The following CDKN2C variants were observed in gnomAD, a reference collection of about 807,000 sequenced individuals.
The protein encoded by CDKN2C is cyclin dependent kinase inhibitor 2C, also known as cyclin-dependent kinase 4 inhibitor C.
In CDKN2C, 5 loss-of-function variants were observed where a neutral mutation model predicts 11.0. The ratio of observed to expected loss-of-function variants is 0.45; its 90% confidence interval spans 0.24 to 0.95. The LOEUF (loss-of-function observed/expected upper bound fraction) is 0.95. Ranked by LOEUF, CDKN2C falls within the 40% of genes least tolerant of loss-of-function variation. CDKN2C has a pLI of 0.21. For missense variants in CDKN2C, 161 were observed against 211.9 expected (o/e 0.76, Z 1.49); for synonymous variants, 79 against 88.3 (o/e 0.89, Z 0.59).
upstream of CDKN2C, among the ~76,000 whole-genome samples, chr1:50,967,732 G>T (rs535171400): frequency 1.8e-4 from 27 of 152,274 alleles, no homozygotes; most frequent in Middle Eastern, 6.8e-3. Context: ...ACTGGAAATT[G>T]GTGTCGGATG....
chr1:50,964,844 A>G (rs1187091186), intron 1 of CDKN2C, among the ~76,000 whole-genome samples: 2 of 152,084 alleles, frequency 1.3e-5, no homozygotes, highest in Non-Finnish European at 1.5e-5. Flanking sequence ...TCATGAGGTC[A>G]GGAGTTCGAG....
upstream of CDKN2C, among the ~76,000 whole-genome samples, chr1:50,966,975 G>A (rs1645349777): frequency 6.6e-6 from 1 of 152,062 alleles, no homozygotes; most frequent in African/African-American, 2.4e-5. Context: ...ATTATCATAA[G>A]TTTTCCTTAG....
At chr1:50,961,948 T>C (rs1162985924) in intron 1 of CDKN2C, among the ~76,000 whole-genome samples, 1 of 152,284 alleles carries the variant, frequency 6.6e-6, no homozygotes, top group East Asian at 1.9e-4. Flanking sequence ...CTGAGTTTAT[T>C]CTGTGTGTTT....
At chr1:50,963,383 T>C (rs1167472327) in intron 1 of CDKN2C, among the ~76,000 whole-genome samples, 1 of 152,256 alleles carries the variant, frequency 6.6e-6, no homozygotes. Flanking sequence ...TATTAATTTT[T>C]ATTGGGAGTC....
At chr1:50,961,071 T>C (rs1301721054) in intron 1 of CDKN2C, among the ~76,000 whole-genome samples, 3 of 152,048 alleles carry the variant, frequency 2.0e-5, no homozygotes, top group Non-Finnish European at 4.4e-5. Flanking sequence ...AGTCTCGCAC[T>C]GTGGCCCGGG....
intron 1 of CDKN2C, among the ~76,000 whole-genome samples, chr1:50,971,847 A>G (rs958740766): frequency 6.6e-6 from 1 of 152,172 alleles, no homozygotes; most frequent in African/African-American, 2.4e-5. Flanking sequence ...TGTTTATATT[A>G]AACATACTTA....
chr1:50,966,271 G>A (rs1364328787), upstream of CDKN2C, among the ~76,000 whole-genome samples: 1 of 151,978 alleles, frequency 6.6e-6, no homozygotes, highest in Non-Finnish European at 1.5e-5. Context: ...TCGAACTCCT[G>A]ACCTCAGGTG....
intron 1 of CDKN2C, 70 bp downstream of exon 1, chr1:50,970,567 C>G (rs1239037488): frequency 6.4e-6 from 10 of 1,563,904 alleles, no homozygotes; most frequent in Non-Finnish European, 8.8e-6. Flanking sequence ...TCTAGATTTA[C>G]AGCTTTTAAG....
At chr1:50,967,742 G>A (rs977684545), upstream of CDKN2C, among the ~76,000 whole-genome samples, 8 of 152,174 alleles carry the variant, frequency 5.3e-5, no homozygotes, top group African/African-American at 1.9e-4. Context: ...GGTGTCGGAT[G>A]ATTAAATAAA....
upstream of CDKN2C, chr1:50,968,966 C>CAGCT (rs747058696): frequency 9.7e-4 from 148 of 153,266 alleles, no homozygotes; most frequent in Non-Finnish European, 1.5e-3. Flanking sequence ...AGGGGGGGAT[C>CAGCT]AGCTACAAAA....
chr1:50,961,115 G>C (rs950969444), intron 1 of CDKN2C, among the ~76,000 whole-genome samples: 9 of 151,866 alleles, frequency 5.9e-5, no homozygotes, highest in Non-Finnish European at 2.9e-5. Flanking sequence ...GGCTCGCTGC[G>C]ACCTCCGCTT....
chr1:50,970,440 G>T lies in CDKN2C; in HGVS notation c.72G>T (p.Leu24Phe). The T allele has an allele frequency of 6.2e-7, 1 of 1,614,176 alleles. No individual in the cohort carries two copies. Among genetic ancestry groups the T allele is most frequent in the Non-Finnish European group, 8.5e-7 (1 of 1,180,030 alleles). Residue 24 changes from leucine (L) to phenylalanine (F), a missense_variant, in exon 1 of 2, where the codon TTG becomes TTT. Coordinates refer to ENST00000371761, the MANE Select transcript of CDKN2C (RefSeq NM_078626.3). ...ARGDLEQLTS[L>F]LQNNVNVNAQ... is the part of the protein sequence containing the mutation. ...GGGACCTAGAGCAACTTACTAGTTT[G>T]TTGCAAAATAATGTAAACGTCAATG... is the stretch of plus-strand genomic sequence containing the variant.
rs1645399195 is a variant in CDKN2C at position 50,974,513 on chromosome 1, A to C, written c.*243A>C. On this transcript the variant is annotated 3_prime_UTR_variant, in exon 2 of 2. Coordinates refer to ENST00000371761, the MANE Select transcript of CDKN2C (RefSeq NM_078626.3). ...ACTTTGACTTTCTTCTGAATATTTT[A>C]TCTTTCCTTGGCTTTTCCCTTGCTT... 5.1e-6 allele frequency: 2 copies of C among 391,348 alleles called. No individual in the cohort carries two copies. Among genetic ancestry groups the C allele is most frequent in the South Asian group, 1.9e-4 (2 of 10,702 alleles). 24.2% of individuals were successfully genotyped at this position (391,348 alleles called of 1,614,324 possible).
chr1:50,967,732 G>C (rs535171400), upstream of CDKN2C, among the ~76,000 whole-genome samples: 1 of 152,156 alleles, frequency 6.6e-6, no homozygotes, highest in Non-Finnish European at 1.5e-5. Context: ...ACTGGAAATT[G>C]GTGTCGGATG....
chr1:50,963,125 T>A (rs747856325), intron 1 of CDKN2C, among the ~76,000 whole-genome samples: 3 of 152,204 alleles, frequency 2.0e-5, no homozygotes, highest in Non-Finnish European at 4.4e-5. Flanking sequence ...TTCATAAAAT[T>A]TAAGCCAGTA....
At chr1:50,968,257 A>C (rs1319625619), upstream of CDKN2C, 3 of 152,412 alleles carry the variant, frequency 2.0e-5, no homozygotes, top group Non-Finnish European at 4.4e-5. Context: ...GGGGGAGCAC[A>C]GAGGCGGGCC....
At chr1:50,969,707 G>A (rs150039610), upstream of CDKN2C, 493 of 167,206 alleles carry the variant, frequency 2.9e-3, 1 homozygote, top group Non-Finnish European at 3.5e-3. This position sits in a 1 kb window ranked among gnomAD's most constrained non-coding sequence, Gnocchi z 6.6. Context: ...CCACCGAACT[G>A]CTACTCCCGT....
upstream of CDKN2C, chr1:50,970,228 C>A: frequency 1.0e-6 from 1 of 999,654 alleles, no homozygotes; most frequent in Non-Finnish European, 1.5e-6. Flanking sequence ...CTAGTATTTA[C>A]TACCAAGCTC....
intron 1 of CDKN2C, among the ~76,000 whole-genome samples, chr1:50,971,455 TAACA>T (rs1481353632): frequency 2.0e-5 from 3 of 152,218 alleles, no homozygotes; most frequent in Admixed American, 6.5e-5. Context: ...GATATACTAT[TAACA>T]AACAAAGTCC....
Sources: gnomAD v4.1 joint callset for allele counts (sites outside exome capture counted in the v4.1 genomes callset) on GRCh38, gnomAD v4.1.1 for gene constraint, Gnocchi (gnomAD v3.1) non-coding constraint, MANE v1.5 for transcripts, NCBI Gene and HGNC (gene_info 2026-07-23, HGNC 2026-07-21) for gene names.